The following SLC20A2 variants were observed in gnomAD, a reference collection of about 807,000 sequenced individuals.
SLC20A2 encodes the protein sodium-dependent phosphate transporter 2.
Under a neutral mutation model 61.0 loss-of-function variants are expected in SLC20A2, and 30 were observed. The ratio of observed to expected loss-of-function variants is 0.49; its 90% CI spans 0.37 to 0.67. The LOEUF is 0.67. SLC20A2 is among the 30% of genes least tolerant of loss of function. SLC20A2 has a pLI of 0.00. For synonymous variants in SLC20A2, 351 were observed against 353.3 expected (o/e 0.99, Z 0.07); for missense variants, 626 against 866.4 (o/e 0.72, Z 3.48).
chr8:42,439,206 C>T (rs941290303), intron 7 of SLC20A2, among the ~76,000 whole-genome samples: 29 of 152,274 alleles, frequency 1.9e-4, no homozygotes, highest in African/African-American at 6.7e-4. Context: ...AGTGCGTGGC[C>T]CCAGTGCCTC....
intron 1 of SLC20A2, among the ~76,000 whole-genome samples, chr8:42,475,771 T>C (rs998526684): frequency 5.3e-5 from 8 of 150,322 alleles, no homozygotes; most frequent in Non-Finnish European, 1.0e-4. Context: ...AGCAGAAACA[T>C]GGAGGATGAG....
At chr8:42,478,207 CTTTTCTTTTTT>C in intron 1 of SLC20A2, among the ~76,000 whole-genome samples, 1 of 131,952 alleles carries the variant, frequency 7.6e-6, no homozygotes. Context: ...TTTTCTTTTC[CTTTTCTTTTTT>C]TTTTTTTTTT....
At chr8:42,485,588 G>A (rs1808918492) in intron 1 of SLC20A2, among the ~76,000 whole-genome samples, 1 of 142,060 alleles carries the variant, frequency 7.0e-6, no homozygotes, top group Non-Finnish European at 1.5e-5. Context: ...GTTGCAGTGA[G>A]CCGAGACCGT....
chr8:42,529,833 T>C (rs981213736), intron 1 of SLC20A2, among the ~76,000 whole-genome samples: 3 of 152,214 alleles, frequency 2.0e-5, no homozygotes, highest in African/African-American at 7.2e-5. Flanking sequence ...AATGCAGTTT[T>C]CCTCTCTCTG....
At chr8:42,495,990 T>C (rs1312095117) in intron 1 of SLC20A2, among the ~76,000 whole-genome samples, 2 of 152,146 alleles carry the variant, frequency 1.3e-5, no homozygotes, top group Admixed American at 6.5e-5. Flanking sequence ...CCCCAAGTGA[T>C]CCACCCACCT....
chr8:42,519,969 A>G (rs940527154), intron 1 of SLC20A2, among the ~76,000 whole-genome samples: 15 of 150,314 alleles, frequency 1.0e-4, no homozygotes, highest in African/African-American at 3.4e-4. Context: ...ACATTAGTCA[A>G]TTAATGAGTT....
At chr8:42,479,799 TGGGTGAC>T (rs1179007388) in intron 1 of SLC20A2, among the ~76,000 whole-genome samples, 1 of 152,078 alleles carries the variant, frequency 6.6e-6, no homozygotes, top group East Asian at 1.9e-4. Context: ...CACTCTAGCC[TGGGTGAC>T]GGAGTGAGAC....
At position 42,428,768 on chromosome 8, in the gene SLC20A2, G is replaced by A. The variant is rs387906654; in HGVS notation, c.1784C>T (p.Thr595Met). Residue 595 changes from threonine to methionine, a missense_variant, in exon 10 of 11, where the codon ACG (threonine) becomes ATG (methionine). Coordinates refer to ENST00000520262, the MANE Select transcript of SLC20A2 (RefSeq NM_001257180.2). ...ASNIGLPVST[T>M]HCKVGSVVAV... ...CTAGCAGGGGCCTACCTTACAGTGC[G>A]TGGTGCTGACTGGAAGCCCGATGTT... 1.9e-6 allele frequency: 3 copies of A among 1,611,832 alleles called. No individual in the cohort carries two copies. The highest frequency in any genetic ancestry group is 2.5e-6 in the Non-Finnish European group (3 of 1,179,132).
intron 1 of SLC20A2, among the ~76,000 whole-genome samples, chr8:42,515,916 C>T (rs564444469): frequency 1.3e-5 from 2 of 152,264 alleles, no homozygotes; most frequent in African/African-American, 4.8e-5. Flanking sequence ...TTCCACAGGT[C>T]GGTATGCAAG....
At chr8:42,507,308 G>A (rs557332694) in intron 1 of SLC20A2, among the ~76,000 whole-genome samples, 6 of 151,554 alleles carry the variant, frequency 4.0e-5, no homozygotes, top group Middle Eastern at 3.4e-3. Context: ...CTTCAGAAAC[G>A]GACTCAGTTC....
intron 5 of SLC20A2, among the ~76,000 whole-genome samples, chr8:42,451,495 T>G (rs1274156131): frequency 0.062 from 3,433 of 55,686 alleles, no homozygotes; most frequent in Middle Eastern, 0.15. Flanking sequence ...AGAGATGGAG[T>G]AGGAGAAGGA....
At position 42,430,149 on chromosome 8, in the gene SLC20A2, C is replaced by T. The variant is rs754621835; in HGVS notation, c.1624G>A (p.Val542Ile). 4.3e-6 allele frequency: 7 copies of T among 1,614,020 alleles called. No individual in the cohort carries two copies. Among genetic ancestry groups the T allele is most frequent in the African/African-American group, 1.3e-5 (1 of 74,928 alleles). Residue 542 changes from valine (V) to isoleucine (I), a missense_variant, in exon 9 of 11, where the codon GTT becomes ATT. Val to Ile is a conservative substitution (Grantham distance 29). This residue lies in a region of SLC20A2 where 138 missense variants were observed against 228.7 expected (regional missense o/e 0.60). Coordinates refer to ENST00000520262, the MANE Select transcript of SLC20A2 (RefSeq NM_001257180.2). The part of the protein sequence containing the change: ...TPVWLLFYGG[V>I]GICTGLWVWG... The stretch of plus-strand genomic sequence containing the variant: ...ACCCAGAGGCCTGTGCAGATTCCAA[C>T]TCCTCCATAAAACAGCAGCCAGACG...
intron 1 of SLC20A2, among the ~76,000 whole-genome samples, chr8:42,532,425 TTAAA>T (rs1586286605): frequency 6.6e-5 from 10 of 152,162 alleles, no homozygotes; most frequent in Admixed American, 6.5e-4. Flanking sequence ...TCACAAACTC[TTAAA>T]TAAAGGGCTG....
chr8:42,533,372 T>C (rs1185977020), intron 1 of SLC20A2, among the ~76,000 whole-genome samples: 3 of 152,130 alleles, frequency 2.0e-5, no homozygotes, highest in African/African-American at 4.8e-5. Flanking sequence ...TCCCAGCACT[T>C]TGGGAGGCCC....
At chr8:42,484,100 T>C (rs1409232239) in intron 1 of SLC20A2, among the ~76,000 whole-genome samples, 1 of 152,248 alleles carries the variant, frequency 6.6e-6, no homozygotes, top group African/African-American at 2.4e-5. Flanking sequence ...CTTGTTATCA[T>C]TCCAGAGATT....
intron 1 of SLC20A2, among the ~76,000 whole-genome samples, chr8:42,516,118 A>G (rs1000846653): frequency 1.9e-4 from 29 of 152,198 alleles, no homozygotes; most frequent in African/African-American, 6.8e-4. Context: ...TCTCCTCTCT[A>G]AAGTAACCAA....
Position 42,455,241 on chromosome 8 carries a change from A to ATAT in SLC20A2, c.613+4654_613+4655insATA, listed in dbSNP as rs1554555112. Among the ~76,000 whole-genome samples, 125 of 102,572 alleles carry ATAT rather than the reference A, an allele frequency of 1.2e-3. 1 individual carries two copies. The highest frequency in any genetic ancestry group is 4.6e-3 in the African/African-American group (92 of 20,096). 67.3% of individuals were successfully genotyped at this position (102,572 alleles called of 152,430 possible). ...CTCCGTCTAAAAAAAAAAAAAAAAA[A>ATAT]ATATATATATATATATAGAGAGAGA... On this transcript the variant is annotated intron_variant, in intron 5 of 10. Transcript: ENST00000520262.
At chr8:42,475,435 A>C (rs1363830152) in intron 1 of SLC20A2, among the ~76,000 whole-genome samples, 1 of 150,018 alleles carries the variant, frequency 6.7e-6, no homozygotes, top group Non-Finnish European at 1.5e-5. Context: ...TTTGAGACAA[A>C]GTCTCACTCT....
At chr8:42,455,587 G>A (rs1806133963) in intron 5 of SLC20A2, among the ~76,000 whole-genome samples, 1 of 151,854 alleles carries the variant, frequency 6.6e-6, no homozygotes, top group Non-Finnish European at 1.5e-5. Flanking sequence ...ATGAACCCAG[G>A]AGGTGGAGCT....
Sources: gnomAD v4.1 joint callset for allele counts (sites outside exome capture counted in the v4.1 genomes callset) on GRCh38, gnomAD v4.1.1 for gene constraint, gnomAD v4.1.1 regional missense constraint, MANE v1.5 for transcripts, NCBI Gene and HGNC (gene_info 2026-07-23, HGNC 2026-07-21) for gene names.